Variants in CTNNA3 observed in about 807,000 individuals in gnomAD.
CTNNA3 encodes catenin alpha-3.
CTNNA3 carries 76 observed loss-of-function variants against 95.7 expected under a neutral mutation model. The observed-to-expected ratio is 0.79, with a 90% CI of 0.66 to 0.96. CTNNA3 has a LOEUF of 0.96. CTNNA3 is among the 40% of genes least tolerant of loss of function. The pLI, the probability that CTNNA3 is intolerant of heterozygous loss-of-function variation, is 0.00. For missense variants in CTNNA3, 1,191 were observed against 1,089.8 expected (o/e 1.09, Z -1.31); for synonymous variants, 431 against 374.4 (o/e 1.15, Z -1.74).
chr10:66,189,937 T>G (rs1026067560), intron 13 of CTNNA3, among the ~76,000 whole-genome samples: 8 of 151,866 alleles, frequency 5.3e-5, no homozygotes, highest in African/African-American at 1.7e-4. Context: ...TTTTTCTGAA[T>G]AGAGTGCACC....
At chr10:67,453,486 G>A (rs941570012) in intron 5 of CTNNA3, among the ~76,000 whole-genome samples, 7 of 152,272 alleles carry the variant, frequency 4.6e-5, no homozygotes, top group Non-Finnish European at 1.0e-4. Flanking sequence ...TGCTACAATT[G>A]TTGTTGCAAA....
intron 7 of CTNNA3, among the ~76,000 whole-genome samples, chr10:66,910,600 G>A (rs1472147222): frequency 6.6e-6 from 1 of 152,184 alleles, no homozygotes; most frequent in Non-Finnish European, 1.5e-5. Context: ...ACAGTCACAA[G>A]GTAGCATGTA....
chr10:65,942,702 C>T (rs1589153753), intron 17 of CTNNA3, among the ~76,000 whole-genome samples: 2 of 152,058 alleles, frequency 1.3e-5, no homozygotes, highest in Non-Finnish European at 2.9e-5. Context: ...TTAGCATAGA[C>T]AAATTTTGTA....
intron 7 of CTNNA3, chr10:66,928,204 T>G: frequency 5.0e-6 from 8 of 1,614,110 alleles, no homozygotes; most frequent in Non-Finnish European, 5.9e-6. Context: ...GCTTTTCCTG[T>G]CCGTGCTCGT....
intron 13 of CTNNA3, among the ~76,000 whole-genome samples, chr10:66,112,207 T>C (rs2133782304): frequency 6.6e-6 from 1 of 152,172 alleles, no homozygotes; most frequent in East Asian, 1.9e-4. Flanking sequence ...GGAGAAGGCA[T>C]CTAGTATTAT....
intron 10 of CTNNA3, among the ~76,000 whole-genome samples, chr10:66,536,366 C>A (rs2132064122): frequency 6.6e-6 from 1 of 151,316 alleles, no homozygotes; most frequent in South Asian, 2.1e-4. Context: ...CCTGTAATCC[C>A]AGCTACTCAG....
chr10:66,275,715 T>A (rs10822787), intron 13 of CTNNA3, among the ~76,000 whole-genome samples: 47,820 of 151,664 alleles, frequency 0.32, 8,724 homozygotes, highest in African/African-American at 0.51. Flanking sequence ...TTAGTGACTA[T>A]CTGAAACTGT....
chr10:66,203,559 T>A (rs1196824534), intron 13 of CTNNA3, among the ~76,000 whole-genome samples: 1 of 152,018 alleles, frequency 6.6e-6, no homozygotes, highest in Non-Finnish European at 1.5e-5. Context: ...AGGGCCATAA[T>A]TATAACATAG....
chr10:66,845,725 A>AAAAAAAAAAAAAAAC, intron 7 of CTNNA3, among the ~76,000 whole-genome samples: 1 of 100,340 alleles, frequency 1.0e-5, no homozygotes, highest in Non-Finnish European at 2.1e-5. Flanking sequence ...AAAAAAAAAA[A>AAAAAAAAAAAAAAAC]AAAACTAAAA....
intron 5 of CTNNA3, among the ~76,000 whole-genome samples, chr10:67,336,294 T>A (rs899959265): frequency 7.2e-5 from 11 of 152,166 alleles, no homozygotes; most frequent in African/African-American, 2.7e-4. Flanking sequence ...TCTGTCACTT[T>A]CCACCAAAAG....
At chr10:67,425,303 C>A (rs1028886286) in intron 5 of CTNNA3, among the ~76,000 whole-genome samples, 7 of 151,942 alleles carry the variant, frequency 4.6e-5, no homozygotes, top group African/African-American at 1.7e-4. Context: ...GGTGAACAAA[C>A]AACAATGGTA....
chr10:67,355,983 A>T (rs1159728182), intron 5 of CTNNA3, among the ~76,000 whole-genome samples: 1 of 151,996 alleles, frequency 6.6e-6, no homozygotes, highest in East Asian at 1.9e-4. Flanking sequence ...CAACACTCAT[A>T]GCCTTACAAC....
chr10:66,113,610 G>T (rs2082200505), intron 13 of CTNNA3, among the ~76,000 whole-genome samples: 1 of 152,098 alleles, frequency 6.6e-6, no homozygotes, highest in Non-Finnish European at 1.5e-5. Flanking sequence ...TACATGAAAA[G>T]ATTGGACTAA....
intron 7 of CTNNA3, among the ~76,000 whole-genome samples, chr10:66,971,515 G>T (rs1849724380): frequency 6.6e-6 from 1 of 152,102 alleles, no homozygotes; most frequent in Non-Finnish European, 1.5e-5. Flanking sequence ...TTTATAATTT[G>T]TATGGCTTTG....
intron 13 of CTNNA3, among the ~76,000 whole-genome samples, chr10:66,133,994 T>C (rs2083241284): frequency 6.6e-6 from 1 of 152,114 alleles, no homozygotes; most frequent in South Asian, 2.1e-4. Context: ...CAAAATGCAA[T>C]GCAATGAAAT....
chr10:66,275,611 T>C (rs1402702470), intron 13 of CTNNA3, among the ~76,000 whole-genome samples: 1 of 152,144 alleles, frequency 6.6e-6, no homozygotes, highest in Non-Finnish European at 1.5e-5. Flanking sequence ...TGAACTCAGG[T>C]CTTCTGATTT....
chr10:66,323,667 AAAG>A lies in CTNNA3; in HGVS notation c.1733-43049_1733-43047del, dbSNP rs548197702. ...AATCCATCTCAAACGAAAAAAAAAAAAAGAAGAAGAAGAGGGCAGTTCCCCAGC... is the reference window on the plus strand; with the variant it reads ...AATCCATCTCAAACGAAAAAAAAAAAAAGAAGAAGAGGGCAGTTCCCCAGC... On this transcript the variant is annotated intron_variant, in intron 12 of 17. Transcript: ENST00000433211. Among the ~76,000 whole-genome samples the A allele has an allele frequency of 1.8e-3, 269 of 151,052 alleles. 2 individuals carry two copies. Among genetic ancestry groups the A allele is most frequent in the African/African-American group, 6.2e-3 (254 of 41,280 alleles).
At chr10:66,532,162 A>T (rs1288475201) in intron 10 of CTNNA3, among the ~76,000 whole-genome samples, 2 of 152,092 alleles carry the variant, frequency 1.3e-5, no homozygotes, top group Non-Finnish European at 1.5e-5. Context: ...GGTTGGCAAA[A>T]GTTAAAAAGA....
At chr10:66,979,765 G>T (rs1850302850) in intron 7 of CTNNA3, among the ~76,000 whole-genome samples, 1 of 152,108 alleles carries the variant, frequency 6.6e-6, no homozygotes, top group Admixed American at 6.5e-5. Flanking sequence ...TATCATAATA[G>T]AACTACAGCT....
Sources: gnomAD v4.1 joint callset for allele counts (sites outside exome capture counted in the v4.1 genomes callset) on GRCh38, gnomAD v4.1.1 for gene constraint, MANE v1.5 for transcripts, NCBI Gene and HGNC (gene_info 2026-07-23, HGNC 2026-07-21) for gene names.